The following SERF2 variants were observed in gnomAD, a reference collection of about 807,000 sequenced individuals.
SERF2 encodes the protein small EDRK-rich factor 2, also known as gastric cancer-related protein VRG107.
In SERF2, 4 loss-of-function variants were observed where a neutral mutation model predicts 10.7. The ratio of observed to expected loss-of-function variants is 0.37; its 90% CI spans 0.18 to 0.86. SERF2 has a LOEUF of 0.86. Among genes scored for constraint, SERF2 ranks in the 40% least tolerant of loss-of-function variants. The pLI is 0.43. For synonymous variants in SERF2, 26 were observed against 26.0 expected, an observed-to-expected ratio of 1.00 and a Z score of 0.01; for missense variants, 47 against 79.1, an observed-to-expected ratio of 0.59 and a Z score of 1.54.
Position 43,793,981 on chromosome 15 carries a change from C to T in SERF2, c.*208C>T, listed in dbSNP as rs2087140755. 3.3e-6 allele frequency: 5 copies of T among 1,514,086 alleles called. No individual in the cohort carries two copies. Among genetic ancestry groups the T allele is most frequent in the Non-Finnish European group, 4.4e-6 (5 of 1,131,106 alleles). The allele number at this position is 1,514,086 out of a possible 1,614,324, so 93.8% of individuals were successfully genotyped here. A position where few individuals can be genotyped will look rare whatever the true frequency, so the allele number is the denominator to read the frequency against. On this transcript the variant is annotated 3_prime_UTR_variant, in exon 3 of 3. Coordinates refer to ENST00000249786, the MANE Select transcript of SERF2 (RefSeq NM_001018108.4). ...GCCACTCCCGGGGGTGAGGGGGTTACCCCTTCCCAGTGTTTTTTATTCCTG... is the reference window on the plus strand; with the variant it reads ...GCCACTCCCGGGGGTGAGGGGGTTATCCCTTCCCAGTGTTTTTTATTCCTG...
At chr15:43,790,166 G>A (rs1718165780), upstream of SERF2, among the ~76,000 whole-genome samples, 1 of 150,880 alleles carries the variant, frequency 6.6e-6, no homozygotes, top group African/African-American at 2.4e-5. Flanking sequence ...AAAATTATCC[G>A]GGCGTGGTGG....
chr15:43,793,277 G>A, intron 2 of SERF2, 194 bp downstream of exon 2: 1 of 573,710 alleles, frequency 1.7e-6, no homozygotes, highest in Non-Finnish European at 3.1e-6. Flanking sequence ...AAGGACGGGG[G>A]CGGGCGCCTG....
upstream of SERF2, among the ~76,000 whole-genome samples, chr15:43,789,532 A>G (rs2087035463): frequency 6.6e-6 from 1 of 152,172 alleles, no homozygotes; most frequent in Admixed American, 6.6e-5. Flanking sequence ...CTCCCTTCAT[A>G]GCACCAGCAG....
Position 43,795,810 on chromosome 15 carries a change from G to A in SERF2, c.*2037G>A, listed in dbSNP as rs2087201887. The A allele has an allele frequency of 6.7e-7, 1 of 1,493,972 alleles. No individual in the cohort carries two copies. The highest frequency in any genetic ancestry group is 2.3e-5 in the East Asian group (1 of 43,930). The allele number at this position is 1,493,972 out of a possible 1,614,324, so 92.5% of individuals were successfully genotyped here. A position where few individuals can be genotyped will look rare whatever the true frequency, so the allele number is the denominator to read the frequency against. The stretch of plus-strand genomic sequence containing the variant: ...TGTTAATCTAGGAAACTTCCCCCGT[G>A]AAAAGATTGGTCTAGTATTAAAAAG... On this transcript the variant is annotated 3_prime_UTR_variant, in exon 3 of 3. Coordinates refer to ENST00000249786, the MANE Select transcript of SERF2 (RefSeq NM_001018108.4).
upstream of SERF2, chr15:43,792,309 G>A (rs941557867): frequency 2.2e-6 from 3 of 1,345,938 alleles, no homozygotes; most frequent in African/African-American, 4.3e-5. Flanking sequence ...GCCAGAAGGG[G>A]CGGGACCTGC....
intron 1 of SERF2, among the ~76,000 whole-genome samples, chr15:43,782,257 C>T (rs1311454637): frequency 1.3e-5 from 2 of 152,160 alleles, no homozygotes; most frequent in Non-Finnish European, 2.9e-5. Context: ...CTTTCTCTCT[C>T]CATCCTCCTA....
upstream of SERF2, among the ~76,000 whole-genome samples, chr15:43,787,697 C>T (rs1432160954): frequency 1.3e-5 from 2 of 150,318 alleles, no homozygotes; most frequent in African/African-American, 5.0e-5. Flanking sequence ...CTTGCCCAGC[C>T]AGAATTTTTT....
At chr15:43,788,945 C>T (rs28678901), upstream of SERF2, among the ~76,000 whole-genome samples, 24,490 of 151,834 alleles carry the variant, frequency 0.16, 2,601 homozygotes, top group African/African-American at 0.29. Flanking sequence ...GTCAGGAGAT[C>T]GAGACCATCC....
chr15:43,781,952 G>A (rs974171615), intron 1 of SERF2, among the ~76,000 whole-genome samples: 5 of 150,070 alleles, frequency 3.3e-5, no homozygotes, highest in Non-Finnish European at 5.9e-5. Context: ...GCAGTGGTGC[G>A]ATCTCAGCTC....
At chr15:43,789,627 G>C (rs1385261681), upstream of SERF2, among the ~76,000 whole-genome samples, 1 of 152,206 alleles carries the variant, frequency 6.6e-6, no homozygotes, top group Non-Finnish European at 1.5e-5. Flanking sequence ...ATGGGTCAGT[G>C]CTTAAGCTGT....
chr15:43,787,994 C>A (rs533652423), upstream of SERF2, among the ~76,000 whole-genome samples: 1 of 151,532 alleles, frequency 6.6e-6, no homozygotes, highest in African/African-American at 2.4e-5. Context: ...CTAGCCTCAG[C>A]CTCTCGAGTA....
At chr15:43,778,581 CAAAAAAAAAAAAAAAAA>C (rs145368177) in intron 1 of SERF2, among the ~76,000 whole-genome samples, 4,099 of 29,526 alleles carry the variant, frequency 0.14, 197 homozygotes, top group Middle Eastern at 0.36. Flanking sequence ...GATTCCATCT[CAAAAAAAAAAAAAAAAA>C]AAAAAAAAAA....
At chr15:43,792,522 CG>C in intron 1 of SERF2, 139 bp downstream of exon 1, 1 of 1,536,322 alleles carries the variant, frequency 6.5e-7, no homozygotes. Context: ...CCCTCACACT[CG>C]GTGCCCGGAA....
upstream of SERF2, among the ~76,000 whole-genome samples, chr15:43,788,540 G>C: frequency 6.6e-6 from 1 of 152,122 alleles, no homozygotes; most frequent in East Asian, 1.9e-4. Flanking sequence ...GGAGTGCAGT[G>C]GCGTGATCAT....
At chr15:43,780,408 C>T (rs1310287704) in intron 1 of SERF2, among the ~76,000 whole-genome samples, 1 of 152,196 alleles carries the variant, frequency 6.6e-6, no homozygotes, top group Admixed American at 6.5e-5. Flanking sequence ...TCCCAAAGTG[C>T]TGGGATTACA....
chr15:43,783,815 G>A (rs1323446466), intron 1 of SERF2, among the ~76,000 whole-genome samples: 1 of 150,852 alleles, frequency 6.6e-6, no homozygotes, highest in Non-Finnish European at 1.5e-5. Flanking sequence ...AGGCTGGAGT[G>A]TGGTGACGTG....
chr15:43,791,873 G>C (rs967868848), upstream of SERF2: 3 of 164,100 alleles, frequency 1.8e-5, no homozygotes, highest in Non-Finnish European at 4.1e-5. Context: ...GTCCAAATAA[G>C]TGGCTGAGAG....
upstream of SERF2, among the ~76,000 whole-genome samples, chr15:43,788,193 T>G (rs556221426): frequency 6.6e-6 from 1 of 151,700 alleles, no homozygotes; most frequent in South Asian, 2.1e-4. Context: ...AAATTTTTTG[T>G]AGAGACGGGG....
intron 2 of SERF2, among the ~76,000 whole-genome samples, chr15:43,785,781 T>C (rs112721585): frequency 0.012 from 1,761 of 147,960 alleles, 34 homozygotes; most frequent in African/African-American, 0.042. Context: ...TCTCAGCTCA[T>C]TGCAACCTCC....
Sources: allele counts gnomAD v4.1 joint callset (sites outside exome capture counted in the v4.1 genomes callset), GRCh38; gene constraint gnomAD v4.1.1; transcripts MANE v1.5; gene names NCBI Gene and HGNC (gene_info 2026-07-23, HGNC 2026-07-21).